MGAT4C: variants seen among roughly 807,000 people sequenced by gnomAD.
MGAT4C encodes the protein MGAT4 family member C.
Under a neutral mutation model 40.1 loss-of-function variants are expected in MGAT4C, and 19 were observed. The observed-to-expected ratio is 0.47, with a 90% CI of 0.33 to 0.70. The LOEUF is 0.70. Among genes scored for constraint, MGAT4C ranks in the 30% least tolerant of loss-of-function variants. The pLI is 0.02. For missense variants in MGAT4C, 491 were observed against 563.2 expected, an observed-to-expected ratio of 0.87 and a Z score of 1.30; for synonymous variants, 181 against 187.1, an observed-to-expected ratio of 0.97 and a Z score of 0.27.
At chr12:86,145,641 G>T (rs889020286) in intron 1 of MGAT4C, among the ~76,000 whole-genome samples, 1 of 152,086 alleles carries the variant, frequency 6.6e-6, no homozygotes, top group Admixed American at 6.6e-5. Flanking sequence ...TTATATTTGG[G>T]CTTATCTAAT....
At chr12:86,105,829 T>C (rs1876054403) in intron 1 of MGAT4C, among the ~76,000 whole-genome samples, 1 of 152,188 alleles carries the variant, frequency 6.6e-6, no homozygotes, top group African/African-American at 2.4e-5. Context: ...TCTATCAACA[T>C]AAGGGTTCTG....
chr12:86,051,378 T>C (rs987836648), intron 1 of MGAT4C, among the ~76,000 whole-genome samples: 1 of 151,966 alleles, frequency 6.6e-6, no homozygotes, highest in Non-Finnish European at 1.5e-5. Flanking sequence ...ATGGCTATCA[T>C]CAACTAGAAA....
chr12:85,959,583 A>T lies in MGAT4C; in HGVS notation c.*19706T>A, dbSNP rs1883000896. The T allele has an allele frequency of 6.6e-6, 1 of 152,078 alleles. No homozygotes were observed. 9.4% of individuals were successfully genotyped at this position (152,078 alleles called of 1,614,324 possible). ...AAAGGTACAACACTCTATTCAAAAAAGTTATTGAAATCACATCTTTAAATC... is the reference window on the plus strand; with the variant it reads ...AAAGGTACAACACTCTATTCAAAAATGTTATTGAAATCACATCTTTAAATC... On this transcript the variant is annotated 3_prime_UTR_variant, in exon 5 of 5. Transcript: ENST00000611864.
intron 1 of MGAT4C, among the ~76,000 whole-genome samples, chr12:86,054,426 G>C (rs1410773698): frequency 6.6e-6 from 1 of 151,972 alleles, no homozygotes; most frequent in African/African-American, 2.4e-5. Flanking sequence ...GGCTGGAATG[G>C]AGGTGTGGAG....
intron 2 of MGAT4C, among the ~76,000 whole-genome samples, chr12:86,647,240 G>A (rs1479470433): frequency 6.6e-6 from 1 of 151,866 alleles, no homozygotes; most frequent in Non-Finnish European, 1.5e-5. Context: ...TATTGTTCTT[G>A]TTTTGAGTCA....
At chr12:86,719,743 C>A (rs1950706797) in intron 2 of MGAT4C, among the ~76,000 whole-genome samples, 1 of 152,148 alleles carries the variant, frequency 6.6e-6, no homozygotes. Flanking sequence ...TATACTGTCC[C>A]TGTTCTTGCA....
At chr12:86,667,397 T>C (rs1964137812) in intron 2 of MGAT4C, among the ~76,000 whole-genome samples, 1 of 152,122 alleles carries the variant, frequency 6.6e-6, no homozygotes, top group East Asian at 1.9e-4. Context: ...GTAGGACAAA[T>C]GGTCAGAAAT....
At chr12:86,310,757 G>A (rs1201983887) in intron 4 of MGAT4C, among the ~76,000 whole-genome samples, 2 of 151,844 alleles carry the variant, frequency 1.3e-5, no homozygotes, top group Admixed American at 6.6e-5. Context: ...CCCTGTCTCG[G>A]CTAAAAATAC....
intron 4 of MGAT4C, among the ~76,000 whole-genome samples, chr12:86,311,590 A>G (rs530655989): frequency 3.3e-4 from 50 of 152,268 alleles, no homozygotes; most frequent in African/African-American, 1.0e-3. Flanking sequence ...AGCTGGCTTC[A>G]TGGGTATGGC....
intron 2 of MGAT4C, among the ~76,000 whole-genome samples, chr12:86,583,615 T>C (rs1487485259): frequency 6.6e-6 from 1 of 151,152 alleles, no homozygotes; most frequent in Non-Finnish European, 1.5e-5. Context: ...AACTATTCCT[T>C]TATTCCATTT....
intron 3 of MGAT4C, among the ~76,000 whole-genome samples, chr12:86,397,134 C>T (rs2074798698): frequency 6.6e-6 from 1 of 152,002 alleles, no homozygotes; most frequent in Admixed American, 6.6e-5. Context: ...ATAGCACTTG[C>T]CATATTCTAT....
intron 2 of MGAT4C, among the ~76,000 whole-genome samples, chr12:86,617,616 A>G: frequency 6.6e-6 from 1 of 151,900 alleles, no homozygotes; most frequent in East Asian, 1.9e-4. Context: ...TGAACCCGGG[A>G]GGCGGAGCTT....
chr12:86,663,944 G>A (rs1461165647), intron 2 of MGAT4C, among the ~76,000 whole-genome samples: 1 of 152,088 alleles, frequency 6.6e-6, no homozygotes, highest in Non-Finnish European at 1.5e-5. Flanking sequence ...AGTTGCTTGA[G>A]TTTCTGTATT....
In MGAT4C at chr12:86,717,183, C is replaced by CA. The variant is rs1001529446; in HGVS notation, c.-229+10025dup. ...AGAAAACTTGTAATTATAATTATTA[C>CA]AAAAAAAAAAGCTCAGAAAGACAAA... On this transcript the variant is annotated intron_variant, in intron 2 of 7. Coordinates refer to the MGAT4C transcript ENST00000548651. Among the ~76,000 whole-genome samples, 447 of 136,958 alleles carry CA rather than the reference C, an allele frequency of 3.3e-3. 1 individual carries two copies. The highest frequency in any genetic ancestry group is 5.6e-3 in the South Asian group (24 of 4,290). The allele number at this position is 136,958 out of a possible 152,430, so 89.8% of individuals were successfully genotyped here. A position where few individuals can be genotyped will look rare whatever the true frequency, so the allele number is the denominator to read the frequency against.
chr12:86,043,448 C>T (rs1330979678), intron 2 of MGAT4C, among the ~76,000 whole-genome samples: 1 of 152,172 alleles, frequency 6.6e-6, no homozygotes, highest in Non-Finnish European at 1.5e-5. Context: ...GGTCAGGAAG[C>T]ATCCAGCAGA....
chr12:86,036,650 C>G (rs1891265511), intron 2 of MGAT4C, among the ~76,000 whole-genome samples: 1 of 149,970 alleles, frequency 6.7e-6, no homozygotes, highest in Non-Finnish European at 1.5e-5. Flanking sequence ...ACGAAGCCAA[C>G]TTGACTGTGG....
At chr12:86,769,096 A>G (rs1015932512) in intron 1 of MGAT4C, among the ~76,000 whole-genome samples, 2 of 152,214 alleles carry the variant, frequency 1.3e-5, no homozygotes, top group Non-Finnish European at 2.9e-5. Flanking sequence ...ACAAAATGGG[A>G]GAACATTTCT....
intron 2 of MGAT4C, among the ~76,000 whole-genome samples, chr12:86,547,697 C>T (rs371932472): frequency 2.6e-5 from 4 of 152,012 alleles, no homozygotes; most frequent in African/African-American, 7.2e-5. Context: ...TCTGAATATA[C>T]GATGCAGTCA....
At chr12:86,471,266 T>C (rs1255050484) in intron 2 of MGAT4C, among the ~76,000 whole-genome samples, 1 of 152,008 alleles carries the variant, frequency 6.6e-6, no homozygotes, top group Non-Finnish European at 1.5e-5. Flanking sequence ...TGTATAACTC[T>C]TGAAAGAAAA....
Sources: gnomAD v4.1 joint callset for allele counts (sites outside exome capture counted in the v4.1 genomes callset) on GRCh38, gnomAD v4.1.1 for gene constraint, MANE v1.5 for transcripts, NCBI Gene and HGNC (gene_info 2026-07-23, HGNC 2026-07-21) for gene names.